Variants in MKRN1 observed in about 807,000 individuals in gnomAD.
MKRN1 encodes the protein makorin ring finger protein 1.
A neutral mutation model predicts 55.5 loss-of-function variants in MKRN1; 9 were observed. The ratio of observed to expected loss-of-function variants is 0.16; its 90% CI spans 0.10 to 0.28. The LOEUF (loss-of-function observed/expected upper bound fraction) is 0.28. Among genes scored for constraint, MKRN1 ranks in the 10% least tolerant of loss-of-function variants. MKRN1 has a pLI of 1.00. For synonymous variants in MKRN1, 253 were observed against 235.9 expected (o/e 1.07, Z -0.66); for missense variants, 488 against 626.7 (o/e 0.78, Z 2.36).
intron 4 of MKRN1, among the ~76,000 whole-genome samples, chr7:140,458,444 C>A (rs1389465078): frequency 6.6e-6 from 1 of 152,154 alleles, no homozygotes; most frequent in Non-Finnish European, 1.5e-5. Context: ...CATGAAATGT[C>A]CACAATAGGC....
chr7:140,477,292 T>C (rs569460906), intron 1 of MKRN1, among the ~76,000 whole-genome samples: 24 of 151,804 alleles, frequency 1.6e-4, no homozygotes, highest in African/African-American at 5.6e-4. Context: ...CCCCAAAAAC[T>C]AGTAAATCTA....
chr7:140,454,714 G>T lies in MKRN1; in HGVS notation c.1252C>A (p.His418Asn), dbSNP rs201485736. The T allele has an allele frequency of 8.7e-6, 14 of 1,613,922 alleles. No homozygotes were observed. The African/African-American group carries it at 1.7e-4, about 20-fold the overall frequency. ...CTTTCCTCAATGAGTTCCCAGAAGT[G>T]GTTCCTTCGTTGGGCCTGTAAAAAA... Reference protein sequence around the residue: ...SSRYRAQRRNHFWELIEEREN... With the variant: ...SSRYRAQRRNNFWELIEEREN... The change falls in exon 8 of 8, where the codon CAC becomes AAC. Residue 418 changes from histidine to asparagine, a missense_variant. Transcript: ENST00000255977.
At chr7:140,456,449 GTTTCCTCA>G in intron 5 of MKRN1, 195 bp downstream of exon 5, 1 of 1,409,816 alleles carries the variant, frequency 7.1e-7, no homozygotes, top group Non-Finnish European at 9.2e-7. Flanking sequence ...GATACACAGG[GTTTCCTCA>G]TTCAAATAAA....
In MKRN1 at chr7:140,454,517, C is replaced by T; in HGVS notation, c.1449G>A (p.Ter483=). The T allele has an allele frequency of 2.5e-6, 4 of 1,611,210 alleles. No individual in the cohort carries two copies. The highest frequency in any genetic ancestry group is 3.4e-6 in the Non-Finnish European group (4 of 1,179,464). The change falls in exon 8 of 8, where the codon TAG becomes TAA. Residue 483 remains the stop codon, a stop_retained_variant. Coordinates refer to ENST00000255977, the MANE Select transcript of MKRN1 (RefSeq NM_013446.4). ...ELEDFYDLDL[*] ...CCAGTTCACACGCCACGCAAGGTTG[C>T]TATAGATCCAAGTCATAAAAATCTT...
chr7:140,479,011 G>C (rs1012992536), intron 1 of MKRN1, 149 bp downstream of exon 1: 1 of 993,316 alleles, frequency 1.0e-6, no homozygotes, highest in Non-Finnish European at 1.3e-6. Context: ...CGGCAGCGGG[G>C]GCCGCGAGGG....
At chr7:140,472,444 A>T in intron 1 of MKRN1, 1 of 158,498 alleles carries the variant, frequency 6.3e-6, no homozygotes, top group Admixed American at 6.3e-5. Flanking sequence ...AAAAAAAAAA[A>T]TAAAAAGAAG....
chr7:140,474,492 CA>C (rs10709936), intron 1 of MKRN1: 59,607 of 264,846 alleles, frequency 0.23, 10,580 homozygotes, highest in African/African-American at 0.64. Context: ...GACTCCGTCT[CA>C]AAAAAAAAAT....
At chr7:140,472,640 G>A (rs1259103286) in intron 1 of MKRN1, among the ~76,000 whole-genome samples, 2 of 150,538 alleles carry the variant, frequency 1.3e-5, no homozygotes, top group Non-Finnish European at 3.0e-5. Context: ...TGCCCACCTC[G>A]GCCTCCCAAA....
At chr7:140,479,090 C>A (rs1400986122) in intron 1 of MKRN1, 70 bp downstream of exon 1, 1 of 1,252,796 alleles carries the variant, frequency 8.0e-7, no homozygotes. Flanking sequence ...CCGCCCTCCT[C>A]CCTCCCGCGC....
At chr7:140,476,652 T>A (rs563669187) in intron 1 of MKRN1, among the ~76,000 whole-genome samples, 49 of 150,914 alleles carry the variant, frequency 3.2e-4, no homozygotes, top group African/African-American at 1.1e-3. Context: ...TTACTCAGTA[T>A]CTGCTCAGGA....
Position 140,479,416 on chromosome 7 carries a change from A to T in MKRN1, c.-72T>A, listed in dbSNP as rs1795226988. 76 of 1,250,048 alleles carry T rather than the reference A, an allele frequency of 6.1e-5. No homozygotes were observed. The highest frequency in any genetic ancestry group is 7.7e-5 in the Non-Finnish European group (76 of 991,740). The allele number at this position is 1,250,048 out of a possible 1,614,324, so 77.4% of individuals were successfully genotyped here. A position where few individuals can be genotyped will look rare whatever the true frequency, so the allele number is the denominator to read the frequency against. ...ATAGTTCCGGTCCGGCTGCGGGGAG[A>T]GGACGGCGAGGCCAGGCGAGGGGAG... is the stretch of plus-strand genomic sequence containing the variant. On this transcript the variant is annotated 5_prime_UTR_variant, in exon 1 of 8. Coordinates refer to ENST00000255977, the MANE Select transcript of MKRN1 (RefSeq NM_013446.4).
At chr7:140,454,822 G>T in intron 7 of MKRN1, 93 bp from the exon 8 acceptor site, 1 of 1,321,764 alleles carries the variant, frequency 7.6e-7, no homozygotes, top group Non-Finnish European at 1.1e-6. Flanking sequence ...ACACCAGAGG[G>T]CATGACGAAC....
At chr7:140,478,274 T>C (rs1437409838) in intron 1 of MKRN1, 1 of 152,230 alleles carries the variant, frequency 6.6e-6, no homozygotes, top group Non-Finnish European at 1.5e-5. Flanking sequence ...AAATGCCCTC[T>C]TCTGCGTAGA....
At position 140,454,228 on chromosome 7, in the gene MKRN1, G is replaced by A; in HGVS notation, c.*289C>T. Reference sequence around the variant, plus strand: ...TGTGAAAAGTCCATAAATGCAATCTGGTTGAAAACAGATGACGCAACACAC... The same window carrying A: ...TGTGAAAAGTCCATAAATGCAATCTAGTTGAAAACAGATGACGCAACACAC... On this transcript the variant is annotated 3_prime_UTR_variant, in exon 8 of 8. Transcript: ENST00000255977. The A allele has an allele frequency of 2.4e-6, 1 of 410,354 alleles. No homozygotes were observed. Among genetic ancestry groups the A allele is most frequent in the Non-Finnish European group, 4.6e-6 (1 of 218,290 alleles). The allele number at this position is 410,354 out of a possible 1,614,324, so 25.4% of individuals were successfully genotyped here. A position where few individuals can be genotyped will look rare whatever the true frequency, so the allele number is the denominator to read the frequency against.
In MKRN1 at chr7:140,454,651, C is replaced by T; in HGVS notation, c.1315G>A (p.Val439Ile). ...ATCTCGCCCAGCTCAAAGGTGACAA[C>T]CTCTTCTTCATCGTTGTCAAAGGGG... ...SNPFDNDEEE[V>I]VTFELGEMLL... The change falls in exon 8 of 8, where the codon GTT becomes ATT. Residue 439 changes from valine (V) to isoleucine (I), a missense_variant. Coordinates refer to ENST00000255977, the MANE Select transcript of MKRN1 (RefSeq NM_013446.4). The T allele has an allele frequency of 6.2e-7, 1 of 1,613,984 alleles. No individual in the cohort carries two copies. Among genetic ancestry groups the T allele is most frequent in the African/African-American group, 1.3e-5 (1 of 75,046 alleles).
In MKRN1 at chr7:140,479,252, G is replaced by T; in HGVS notation, c.93C>A (p.Ile31=). The change falls in exon 1 of 8, where the codon ATC becomes ATA. Residue 31 remains isoleucine (I), a synonymous_variant. Coordinates refer to ENST00000255977, the MANE Select transcript of MKRN1 (RefSeq NM_013446.4). ...CCAGGGACGGGGCGGTGACTGTGGG[G>T]ATCGGGGTGGGGGAGGCTGCTGCCG... ...ATAAAASPTP[I]PTVTAPSLGA... is the part of the protein sequence containing the mutation. 1 of 1,422,296 alleles carries T rather than the reference G, an allele frequency of 7.0e-7. No individual in the cohort carries two copies. Among genetic ancestry groups the T allele is most frequent in the Non-Finnish European group, 9.2e-7 (1 of 1,090,688 alleles). 88.1% of individuals were successfully genotyped at this position (1,422,296 alleles called of 1,614,324 possible). A position where few individuals can be genotyped will look rare whatever the true frequency, so the allele number is the denominator to read the frequency against.
At chr7:140,470,903 G>T (rs1483962927) in intron 2 of MKRN1, among the ~76,000 whole-genome samples, 3 of 148,088 alleles carry the variant, frequency 2.0e-5, no homozygotes, top group Non-Finnish European at 4.5e-5. Flanking sequence ...GGCAACAGAG[G>T]GACAAGACTC....
At chr7:140,472,911 A>C (rs563074596) in intron 1 of MKRN1, among the ~76,000 whole-genome samples, 3 of 151,296 alleles carry the variant, frequency 2.0e-5, no homozygotes, top group Non-Finnish European at 4.4e-5. Context: ...AGGTCAGGAG[A>C]TCAAGACCAT....
At chr7:140,454,838 TTC>T in intron 7 of MKRN1, 109 bp from the exon 8 acceptor site, 2 of 1,211,626 alleles carry the variant, frequency 1.7e-6, no homozygotes, top group Non-Finnish European at 2.4e-6. Flanking sequence ...CGAACCAGAC[TTC>T]TTAGTTAGGG....
Sources: allele counts gnomAD v4.1 joint callset (sites outside exome capture counted in the v4.1 genomes callset), GRCh38; gene constraint gnomAD v4.1.1; transcripts MANE v1.5; gene names NCBI Gene and HGNC (gene_info 2026-07-23, HGNC 2026-07-21).